Variants in AMOTL1 observed in about 807,000 individuals in gnomAD.
AMOTL1 encodes the protein angiomotin-like protein 1.
In AMOTL1, 45 loss-of-function variants were observed where a neutral mutation model predicts 102.9. The ratio of observed to expected loss-of-function variants is 0.44; its 90% confidence interval spans 0.34 to 0.56. AMOTL1 has a LOEUF of 0.56. Among genes scored for constraint, AMOTL1 ranks in the 20% least tolerant of loss-of-function variants. The pLI, the probability that AMOTL1 is intolerant of heterozygous loss-of-function variation, is 0.01. For missense variants in AMOTL1, 1,114 were observed against 1,225.6 expected (o/e 0.91, Z 1.36); for synonymous variants, 481 against 484.7 (o/e 0.99, Z 0.10).
chr11:94,770,204 A>C (rs930041512), intron 1 of AMOTL1, among the ~76,000 whole-genome samples: 2 of 152,186 alleles, frequency 1.3e-5, no homozygotes, highest in African/African-American at 4.8e-5. Flanking sequence ...GCAAGGTCTT[A>C]AAGAATCTAG....
At chr11:94,850,320 A>T in intron 7 of AMOTL1, 61 bp downstream of exon 7, 6 of 1,502,428 alleles carry the variant, frequency 4.0e-6, no homozygotes, top group Non-Finnish European at 5.3e-6. Flanking sequence ...GAGGGCTTCC[A>T]CTTTCTTTTC....
At chr11:94,744,846 T>C (rs528441598) in intron 3 of AMOTL1, among the ~76,000 whole-genome samples, 1 of 152,306 alleles carries the variant, frequency 6.6e-6, no homozygotes, top group East Asian at 1.9e-4. Context: ...TAACAGAACC[T>C]GGTACAAAGT....
Position 94,768,490 on chromosome 11 carries a change from C to T in AMOTL1, c.-22C>T. Reference sequence around the variant, plus strand: ...GCAGCCGTCTTCCCCAGCCGAGGGACTGAACTAGCCATGATCGCCTCATGT... The same window carrying T: ...GCAGCCGTCTTCCCCAGCCGAGGGATTGAACTAGCCATGATCGCCTCATGT... On this transcript the variant is annotated 5_prime_UTR_variant, in exon 1 of 13. Transcript: ENST00000433060. 7 of 1,589,580 alleles carry T rather than the reference C, an allele frequency of 4.4e-6. No homozygotes were observed. Among genetic ancestry groups the T allele is most frequent in the Non-Finnish European group, 6.0e-6 (7 of 1,169,002 alleles).
intron 3 of AMOTL1, among the ~76,000 whole-genome samples, chr11:94,750,158 G>A (rs1480456028): frequency 6.6e-6 from 1 of 152,166 alleles, no homozygotes; most frequent in Non-Finnish European, 1.5e-5. Flanking sequence ...AAGAAATGGA[G>A]TCTTTTTAAA....
chr11:94,740,871 G>C, intron 2 of AMOTL1: 1 of 1,086,798 alleles, frequency 9.2e-7, no homozygotes, highest in South Asian at 1.3e-5. Flanking sequence ...CGCTTGAGCT[G>C]GTGCTTGTGC....
chr11:94,791,364 G>A (rs1251314204), intron 1 of AMOTL1, among the ~76,000 whole-genome samples: 3 of 152,126 alleles, frequency 2.0e-5, no homozygotes, highest in Non-Finnish European at 1.5e-5. Flanking sequence ...CTCCCCAGTG[G>A]GAGACTCCCC....
chr11:94,792,961 T>C (rs1048546723), intron 1 of AMOTL1, among the ~76,000 whole-genome samples: 1 of 152,304 alleles, frequency 6.6e-6, no homozygotes, highest in East Asian at 1.9e-4. Flanking sequence ...TAACTCATAC[T>C]GACATTGTAG....
chr11:94,839,382 G>A (rs943137704), intron 6 of AMOTL1, among the ~76,000 whole-genome samples: 12 of 152,226 alleles, frequency 7.9e-5, no homozygotes, highest in Non-Finnish European at 1.6e-4. Context: ...TTTGAGGTAA[G>A]TATTGCAGGT....
intron 2 of AMOTL1, among the ~76,000 whole-genome samples, chr11:94,797,964 G>A (rs1951399950): frequency 6.6e-6 from 1 of 152,128 alleles, no homozygotes. Context: ...ATCTTTCAAG[G>A]TAGTGTGCCA....
chr11:94,822,789 C>T (rs547456790), intron 4 of AMOTL1, among the ~76,000 whole-genome samples: 2 of 152,294 alleles, frequency 1.3e-5, no homozygotes, highest in East Asian at 3.9e-4. Context: ...TTATGCCCCT[C>T]AGGTCAGCAT....
At chr11:94,719,613 A>G (rs7350531) in intron 1 of AMOTL1, among the ~76,000 whole-genome samples, 150,021 of 152,008 alleles carry the variant, frequency 0.99, 74,054 homozygotes, top group Middle Eastern at 1. Context: ...TTAAATATTG[A>G]AAGAAACATA....
Position 94,872,307 on chromosome 11 carries a change from C to G in AMOTL1, c.*1512C>G, listed in dbSNP as rs894344046. 1.3e-5 allele frequency: 2 copies of G among 152,166 alleles called. No individual in the cohort carries two copies. The highest frequency in any genetic ancestry group is 4.8e-5 in the African/African-American group (2 of 41,436). 9.4% of individuals were successfully genotyped at this position (152,166 alleles called of 1,614,324 possible). On this transcript the variant is annotated 3_prime_UTR_variant, in exon 13 of 13. Transcript: ENST00000433060. ...TCGGGCCATCAGAGAGATGCTCCTACAGGGTCCTGATGTTTTTGTACCTCC... is the reference window on the plus strand; with the variant it reads ...TCGGGCCATCAGAGAGATGCTCCTAGAGGGTCCTGATGTTTTTGTACCTCC...
intron 2 of AMOTL1, among the ~76,000 whole-genome samples, chr11:94,730,533 C>T (rs1400174170): frequency 6.6e-6 from 1 of 152,178 alleles, no homozygotes; most frequent in Non-Finnish European, 1.5e-5. Flanking sequence ...TATCATCACA[C>T]TGTATTGTGC....
At position 94,799,255 on chromosome 11, in the gene AMOTL1, T is replaced by C. The variant is rs1951422835; in HGVS notation, c.200-135T>C. ...ATTCCATGAGACATTGCCAGGTAAA[T>C]GGAGGTGATGATGCATTTGAAATCT... On this transcript the variant is annotated intron_variant, in intron 2 of 12. Coordinates refer to ENST00000433060, the MANE Select transcript of AMOTL1 (RefSeq NM_130847.3). The surrounding 1 kb of genome is among the most constrained non-coding windows in gnomAD (Gnocchi z 4.5). The C allele has an allele frequency of 4.0e-6, 3 of 756,600 alleles. 1 individual carries two copies. The South Asian group carries it at 5.8e-5, about 15-fold the overall frequency. 46.9% of individuals were successfully genotyped at this position (756,600 alleles called of 1,614,324 possible).
rs981588429 is a variant in AMOTL1 at position 94,873,560 on chromosome 11, G to A, written c.*2765G>A. The A allele has an allele frequency of 2.6e-5, 4 of 152,188 alleles. No homozygotes were observed. The highest frequency in any genetic ancestry group is 9.7e-5 in the African/African-American group (4 of 41,442). 9.4% of individuals were successfully genotyped at this position (152,188 alleles called of 1,614,324 possible). A position where few individuals can be genotyped will look rare whatever the true frequency, so the allele number is the denominator to read the frequency against. ...TAGTCCTCCACCCACCTGGAGTACA[G>A]GGGGTGCGTTTATTATTCTGATTTC... On this transcript the variant is annotated 3_prime_UTR_variant, in exon 13 of 13. Transcript: ENST00000433060.
At chr11:94,818,406 T>C (rs1380191729) in intron 3 of AMOTL1, among the ~76,000 whole-genome samples, 1 of 152,232 alleles carries the variant, frequency 6.6e-6, no homozygotes, top group African/African-American at 2.4e-5. Context: ...CAGGCTGAGC[T>C]CAAAGCATTG....
chr11:94,819,036 T>C (rs1448938445), intron 3 of AMOTL1, among the ~76,000 whole-genome samples: 1 of 152,218 alleles, frequency 6.6e-6, no homozygotes, highest in Admixed American at 6.5e-5. Flanking sequence ...TTTCTCTTCA[T>C]AGGATATGAG....
intron 4 of AMOTL1, among the ~76,000 whole-genome samples, chr11:94,826,641 C>A (rs568537222): frequency 6.6e-6 from 1 of 152,270 alleles, no homozygotes; most frequent in South Asian, 2.1e-4. Context: ...CCTGCAAAAT[C>A]CAGTCTAGTC....
Position 94,762,793 on chromosome 11 carries a change from T to A in AMOTL1, c.136+21805T>A, listed in dbSNP as rs144804289. 3.5e-3 allele frequency among the ~76,000 whole-genome samples: 535 copies of A among 152,298 alleles called. 3 individuals carry two copies. The highest frequency in any genetic ancestry group is 0.012 in the African/African-American group (509 of 41,542). ...GCATATCTATCCTCAGTTTCTTGTGTTTATATAGATAAAATTATGTGTTTA... is the reference window on the plus strand; with the variant it reads ...GCATATCTATCCTCAGTTTCTTGTGATTATATAGATAAAATTATGTGTTTA... On this transcript the variant is annotated intron_variant, in intron 3 of 4. Transcript: ENST00000299004.
Sources: gnomAD v4.1 joint callset for allele counts (sites outside exome capture counted in the v4.1 genomes callset) on GRCh38, gnomAD v4.1.1 for gene constraint, Gnocchi (gnomAD v3.1) non-coding constraint, MANE v1.5 for transcripts, NCBI Gene and HGNC (gene_info 2026-07-23, HGNC 2026-07-21) for gene names.